Variants in NEXMIF observed in about 807,000 individuals in gnomAD.
NEXMIF encodes the protein XLMR protein related to neurite extension.
A neutral mutation model predicts 62.1 loss-of-function variants in NEXMIF; 8 were observed. The observed-to-expected ratio is 0.13, with a 90% CI of 0.08 to 0.23. The LOEUF is 0.23. Ranked by LOEUF, NEXMIF falls within the 10% of genes least tolerant of loss-of-function variation. The pLI is 1.00. For missense variants in NEXMIF, 976 were observed against 1,113.3 expected (o/e 0.88, Z 1.75); for synonymous variants, 404 against 416.6 (o/e 0.97, Z 0.37).
intron 1 of NEXMIF, among the ~76,000 whole-genome samples, chrX:74,791,555 C>T (rs1258187364): frequency 9.0e-6 from 1 of 111,618 alleles, no homozygotes; most frequent in African/African-American, 3.3e-5. Flanking sequence ...AGGAATGGTA[C>T]CAGCTAATCC....
chrX:74,804,942 C>T (rs972020538), intron 1 of NEXMIF, among the ~76,000 whole-genome samples: 3 of 112,129 alleles, frequency 2.7e-5, no homozygotes, highest in African/African-American at 9.7e-5. Context: ...CGATTCCCCT[C>T]TCACTAGGAT....
At chrX:74,891,827 G>A (rs1328525756) in intron 1 of NEXMIF, among the ~76,000 whole-genome samples, 2 of 111,762 alleles carry the variant, frequency 1.8e-5, no homozygotes, top group Non-Finnish European at 3.8e-5. Context: ...ATCAAGCTAT[G>A]TTCTCTAAAC....
intron 1 of NEXMIF, among the ~76,000 whole-genome samples, chrX:74,878,022 T>C (rs961813668): frequency 4.5e-5 from 5 of 112,284 alleles, no homozygotes; most frequent in African/African-American, 9.7e-5. Context: ...CTTTATTCCA[T>C]TGCTGGTGAG....
chrX:74,756,019 G>A (rs2080158052), intron 1 of NEXMIF, among the ~76,000 whole-genome samples: 1 of 111,843 alleles, frequency 8.9e-6, no homozygotes, highest in Admixed American at 9.5e-5. Flanking sequence ...GGGATTACAG[G>A]CACGTGCCAC....
intron 1 of NEXMIF, among the ~76,000 whole-genome samples, chrX:74,772,733 A>G (rs1350978479): frequency 8.9e-6 from 1 of 112,333 alleles, no homozygotes; most frequent in African/African-American, 3.2e-5. Flanking sequence ...TGGAAGCAGG[A>G]CCTTCTGAAA....
chrX:74,914,567 G>C (rs752016264), intron 1 of NEXMIF, among the ~76,000 whole-genome samples: 27 of 111,670 alleles, frequency 2.4e-4, no homozygotes, highest in Non-Finnish European at 5.1e-4. Flanking sequence ...TGTAGTCCCA[G>C]CTACTCGGGA....
At chrX:74,878,132 G>T (rs1296023120) in intron 1 of NEXMIF, among the ~76,000 whole-genome samples, 1 of 111,151 alleles carries the variant, frequency 9.0e-6, no homozygotes, top group African/African-American at 3.3e-5. Flanking sequence ...ATCTACTTTT[G>T]GTCTTTGATG....
At chrX:74,747,448 C>A (rs1009334736) in intron 1 of NEXMIF, among the ~76,000 whole-genome samples, 2 of 111,004 alleles carry the variant, frequency 1.8e-5, no homozygotes, top group Non-Finnish European at 3.8e-5. Flanking sequence ...ATGATTCTTA[C>A]CAACTCCAAC....
At chrX:74,816,460 A>G (rs1173389905) in intron 1 of NEXMIF, among the ~76,000 whole-genome samples, 1 of 112,191 alleles carries the variant, frequency 8.9e-6, no homozygotes, top group East Asian at 2.8e-4. Context: ...TGGCTTTTGT[A>G]GTTAATTTAT....
At chrX:74,871,085 T>C (rs1392667763) in intron 1 of NEXMIF, among the ~76,000 whole-genome samples, 1 of 112,115 alleles carries the variant, frequency 8.9e-6, no homozygotes, top group Non-Finnish European at 1.9e-5. Flanking sequence ...CATCAATAGA[T>C]GAATAGATAC....
At chrX:74,885,882 T>C (rs2080690626) in intron 1 of NEXMIF, among the ~76,000 whole-genome samples, 1 of 111,814 alleles carries the variant, frequency 8.9e-6, no homozygotes, top group African/African-American at 3.3e-5. Flanking sequence ...TGATGAACAT[T>C]GATGCAAAAA....
chrX:74,741,238 C>T lies in NEXMIF; in HGVS notation c.3319G>A (p.Asp1107Asn), dbSNP rs751468762. 3.1e-5 allele frequency: 38 copies of T among 1,209,376 alleles called. No individual in the cohort carries two copies. Among genetic ancestry groups the T allele is most frequent in the Middle Eastern group, 4.6e-4 (2 of 4,375 alleles). The change falls in exon 3 of 4, where the codon GAC becomes AAC. Residue 1107 changes from aspartate (D) to asparagine (N), a missense_variant. Around this residue, in one of 5 missense-constraint regions of NEXMIF, gnomAD observed 639 missense variants for 694.5 expected, o/e 0.92. Coordinates refer to ENST00000055682, the MANE Select transcript of NEXMIF (RefSeq NM_001008537.3). ...GFQEGVPGPL[D>N]SVEKIKWDCS... ...TCCCACTTGATTTTTTCCACACTGT[C>T]CAATGGTCCTGGGACACCCTCTTGG...
At position 74,740,153 on chromosome X, in the gene NEXMIF, C is replaced by T. The variant is rs2147438678; in HGVS notation, c.4404G>A (p.Glu1468=). The change falls in exon 3 of 4, where the codon GAG becomes GAA. Residue 1468 remains glutamate, a synonymous_variant. Coordinates refer to ENST00000055682, the MANE Select transcript of NEXMIF (RefSeq NM_001008537.3). ...ACTCATCCTTGTGGACCTGTTCTCGCTCCATGTGCTTTCCCTTACATTTCT... is the reference window on the plus strand; with the variant it reads ...ACTCATCCTTGTGGACCTGTTCTCGTTCCATGTGCTTTCCCTTACATTTCT... The part of the protein sequence containing the change: ...RDEKCKGKHM[E]REQVHKDESG... 3 of 1,210,929 alleles carry T rather than the reference C, an allele frequency of 2.5e-6. No individual in the cohort carries two copies. The highest frequency in any genetic ancestry group is 2.2e-5 in the Admixed American group (1 of 45,966).
intron 1 of NEXMIF, among the ~76,000 whole-genome samples, chrX:74,760,795 T>C (rs779430806): frequency 3.6e-5 from 4 of 110,952 alleles, no homozygotes; most frequent in Non-Finnish European, 7.5e-5. Context: ...GCAAGTATTG[T>C]GTTGATGATT....
chrX:74,845,112 A>G (rs1316158124), intron 1 of NEXMIF, among the ~76,000 whole-genome samples: 1 of 111,992 alleles, frequency 8.9e-6, no homozygotes, highest in Non-Finnish European at 1.9e-5. Flanking sequence ...CAGGAAACAG[A>G]AGCCCTGAAT....
At chrX:74,907,760 C>T (rs1248185948) in intron 1 of NEXMIF, among the ~76,000 whole-genome samples, 1 of 111,591 alleles carries the variant, frequency 9.0e-6, no homozygotes, top group African/African-American at 3.3e-5. Flanking sequence ...GCCTAAATGC[C>T]TATGGTCCCT....
At chrX:74,859,060 T>C (rs748621219) in intron 1 of NEXMIF, among the ~76,000 whole-genome samples, 16 of 110,851 alleles carry the variant, frequency 1.4e-4, no homozygotes, top group African/African-American at 5.2e-4. Flanking sequence ...TAATTGACCT[T>C]AAAGAGAAGG....
chrX:74,890,892 C>A (rs1273120686), intron 1 of NEXMIF, among the ~76,000 whole-genome samples: 5 of 111,059 alleles, frequency 4.5e-5, no homozygotes, highest in Non-Finnish European at 9.4e-5. Context: ...GTCACTGCAT[C>A]CTGCAGTAGA....
At chrX:74,779,902 T>C (rs990890325) in intron 1 of NEXMIF, among the ~76,000 whole-genome samples, 7 of 112,030 alleles carry the variant, frequency 6.2e-5, no homozygotes, top group Non-Finnish European at 1.1e-4. Context: ...ACTAGATCCT[T>C]GCTGCTTGAT....
Sources: allele counts gnomAD v4.1 joint callset (sites outside exome capture counted in the v4.1 genomes callset), GRCh38; gene constraint gnomAD v4.1.1; regional missense constraint gnomAD v4.1.1; transcripts MANE v1.5; gene names NCBI Gene and HGNC (gene_info 2026-07-23, HGNC 2026-07-21).